NSL1: variants seen among roughly 807,000 people sequenced by gnomAD.
NSL1 encodes NSL1 component of MIS12 kinetochore complex.
In NSL1, 11 loss-of-function variants were observed where a neutral mutation model predicts 25.4. The observed-to-expected ratio is 0.43, with a 90% confidence interval of 0.27 to 0.72. The LOEUF (loss-of-function observed/expected upper bound fraction) is 0.72, where lower values mean the gene tolerates loss of function less well. NSL1 is among the 30% of genes least tolerant of loss of function. The pLI, the probability that NSL1 is intolerant of heterozygous loss-of-function variation, is 0.19. For missense variants in NSL1, 330 were observed against 342.7 expected, an observed-to-expected ratio of 0.96 and a Z score of 0.29; for synonymous variants, 118 against 120.6, an observed-to-expected ratio of 0.98 and a Z score of 0.14.
Position 212,735,274 on chromosome 1 carries a change from A to G in NSL1, c.*3134T>C. Reference sequence around the variant, plus strand: ...AATCTGAACTCAGATGATCTGGCTTAGAGGCTGTGCTCTTAAGATCTCTGA... The same window carrying G: ...AATCTGAACTCAGATGATCTGGCTTGGAGGCTGTGCTCTTAAGATCTCTGA... On this transcript the variant is annotated 3_prime_UTR_variant, in exon 6 of 6. Coordinates refer to ENST00000366977, the MANE Select transcript of NSL1 (RefSeq NM_015471.4). 2.0e-6 allele frequency: 2 copies of G among 978,204 alleles called. No individual in the cohort carries two copies. Among genetic ancestry groups the G allele is most frequent in the Non-Finnish European group, 2.4e-6 (2 of 823,390 alleles). 60.6% of individuals were successfully genotyped at this position (978,204 alleles called of 1,614,324 possible). A position where few individuals can be genotyped will look rare whatever the true frequency, so the allele number is the denominator to read the frequency against.
chr1:212,786,618 G>A (rs942856098), intron 2 of NSL1, among the ~76,000 whole-genome samples: 7 of 152,094 alleles, frequency 4.6e-5, no homozygotes, highest in African/African-American at 1.7e-4. Flanking sequence ...GACCAGCCTG[G>A]CCAACATGGT....
At chr1:212,762,182 C>T (rs1659601763) in intron 4 of NSL1, among the ~76,000 whole-genome samples, 1 of 151,616 alleles carries the variant, frequency 6.6e-6, no homozygotes, top group Non-Finnish European at 1.5e-5. Context: ...CCTATAATCT[C>T]AGCTACTTGG....
chr1:212,783,011 A>G (rs1255924937), intron 3 of NSL1, among the ~76,000 whole-genome samples: 2 of 152,112 alleles, frequency 1.3e-5, no homozygotes, highest in South Asian at 2.1e-4. Flanking sequence ...AAACAAGAAG[A>G]AAAAAAGGTC....
At chr1:212,774,617 A>C (rs1660270962) in intron 4 of NSL1, among the ~76,000 whole-genome samples, 2 of 152,246 alleles carry the variant, frequency 1.3e-5, no homozygotes, top group African/African-American at 4.8e-5. Flanking sequence ...ACAGAAATTC[A>C]ATTTAAAATC....
At chr1:212,790,108 G>T (rs1661126369) in intron 1 of NSL1, among the ~76,000 whole-genome samples, 1 of 152,012 alleles carries the variant, frequency 6.6e-6, no homozygotes, top group Non-Finnish European at 1.5e-5. Context: ...CCGCCTCCCG[G>T]GTTCACGCCA....
chr1:212,728,185 A>G lies in NSL1; in HGVS notation c.*10223T>C. ...TGCATGTGAAGCTTTTAGCATGATC[A>G]TGGCATGTAGTAAGCACTCAATACA... On this transcript the variant is annotated 3_prime_UTR_variant, in exon 6 of 6. Transcript: ENST00000366977. 2 of 927,184 alleles carry G rather than the reference A, an allele frequency of 2.2e-6. No homozygotes were observed. Among genetic ancestry groups the G allele is most frequent in the South Asian group, 5.0e-5 (1 of 20,030 alleles). The allele number at this position is 927,184 out of a possible 1,614,324, so 57.4% of individuals were successfully genotyped here. A position where few individuals can be genotyped will look rare whatever the true frequency, so the allele number is the denominator to read the frequency against.
At chr1:212,790,125 T>A (rs901630158) in intron 1 of NSL1, among the ~76,000 whole-genome samples, 2 of 152,158 alleles carry the variant, frequency 1.3e-5, no homozygotes, top group African/African-American at 4.8e-5. Flanking sequence ...GCCATTCTCC[T>A]GCCTCAGCCT....
chr1:212,779,667 T>C (rs71515163), intron 4 of NSL1, among the ~76,000 whole-genome samples: 8,144 of 25,034 alleles, frequency 0.33, 2,104 homozygotes, highest in African/African-American at 0.48. Context: ...CGCCTCTGCC[T>C]GGCCGCCCCT....
At chr1:212,747,815 G>T (rs534830466) in intron 4 of NSL1, among the ~76,000 whole-genome samples, 91 of 152,210 alleles carry the variant, frequency 6.0e-4, no homozygotes, top group Non-Finnish European at 8.8e-4. Context: ...ACCCAGGCTG[G>T]AGTGCAGTGG....
At chr1:212,780,658 T>C (rs1660696545) in intron 4 of NSL1, among the ~76,000 whole-genome samples, 2 of 152,204 alleles carry the variant, frequency 1.3e-5, no homozygotes, top group Admixed American at 1.3e-4. Context: ...AAATTTATGC[T>C]TTCCACTTTC....
chr1:212,750,224 C>G (rs1659002452), intron 4 of NSL1, among the ~76,000 whole-genome samples: 1 of 151,714 alleles, frequency 6.6e-6, no homozygotes, highest in African/African-American at 2.4e-5. Context: ...AGGGTGAGAT[C>G]AATCTAACAA....
intron 4 of NSL1, 146 bp from the exon 5 acceptor site, chr1:212,739,747 G>C (rs957475333): frequency 1.9e-5 from 13 of 679,242 alleles, no homozygotes; most frequent in Non-Finnish European, 3.0e-5. Context: ...CTTTCTCAGA[G>C]TGAGACCATT....
chr1:212,765,038 G>C (rs1372910081), intron 4 of NSL1, among the ~76,000 whole-genome samples: 4 of 151,768 alleles, frequency 2.6e-5, no homozygotes. Flanking sequence ...AAATCAGGAA[G>C]AAATAGAAAC....
chr1:212,746,604 A>T (rs1254396244), intron 4 of NSL1, among the ~76,000 whole-genome samples: 1 of 152,240 alleles, frequency 6.6e-6, no homozygotes, highest in Non-Finnish European at 1.5e-5. Flanking sequence ...CGGATAAGAA[A>T]GACATGATTC....
At position 212,727,309 on chromosome 1, in the gene NSL1, C is replaced by A; in HGVS notation, c.*11099G>T. ...CTTTGTTCCAGGCAGGGCCCAGGAT[C>A]CCCTTCCAAATTACTGAGGGGCAGT... On this transcript the variant is annotated 3_prime_UTR_variant, in exon 6 of 6. Transcript: ENST00000366977. The A allele has an allele frequency of 7.7e-7, 1 of 1,294,556 alleles. No individual in the cohort carries two copies. Among genetic ancestry groups the A allele is most frequent in the South Asian group, 2.6e-5 (1 of 38,444 alleles). The allele number at this position is 1,294,556 out of a possible 1,614,324, so 80.2% of individuals were successfully genotyped here.
chr1:212,757,336 TA>T (rs1659362745), intron 4 of NSL1, among the ~76,000 whole-genome samples: 1 of 152,132 alleles, frequency 6.6e-6, no homozygotes, highest in South Asian at 2.1e-4. Context: ...GGGAGTGACA[TA>T]ATCTGATTAT....
At position 212,734,845 on chromosome 1, in the gene NSL1, C is replaced by A. The variant is rs377032045; in HGVS notation, c.*3563G>T. 1.9e-4 allele frequency among the ~76,000 whole-genome samples: 29 copies of A among 152,298 alleles called. No individual in the cohort carries two copies. The highest frequency in any genetic ancestry group is 6.5e-4 in the African/African-American group (27 of 41,552). On this transcript the variant is annotated 3_prime_UTR_variant, in exon 6 of 6. Coordinates refer to ENST00000366977, the MANE Select transcript of NSL1 (RefSeq NM_015471.4). Reference sequence around the variant, plus strand: ...CATACCATTTGCTGCATGGCATTATCATTGTTTGCACACTCATCCTCTTCA... The same window carrying A: ...CATACCATTTGCTGCATGGCATTATAATTGTTTGCACACTCATCCTCTTCA...
chr1:212,774,401 G>A (rs982828930), intron 4 of NSL1, among the ~76,000 whole-genome samples: 1 of 152,058 alleles, frequency 6.6e-6, no homozygotes, highest in Non-Finnish European at 1.5e-5. Flanking sequence ...AAAAATTTAA[G>A]GAAAGTGAGA....
intron 3 of NSL1, 92 bp from the exon 4 acceptor site, chr1:212,782,518 A>T (rs1660772677): frequency 1.1e-6 from 1 of 932,052 alleles, no homozygotes; most frequent in East Asian, 2.4e-5. Flanking sequence ...CTATAGAGTC[A>T]GTACCATTCT....
Sources: gnomAD v4.1 joint callset for allele counts (sites outside exome capture counted in the v4.1 genomes callset) on GRCh38, gnomAD v4.1.1 for gene constraint, MANE v1.5 for transcripts, NCBI Gene and HGNC (gene_info 2026-07-23, HGNC 2026-07-21) for gene names.